MAD1L1: variants seen among roughly 807,000 people sequenced by gnomAD.
The protein encoded by MAD1L1 is mitotic spindle assembly checkpoint protein MAD1.
Under a neutral mutation model 96.9 loss-of-function variants are expected in MAD1L1, and 95 were observed. The observed-to-expected ratio is 0.98, with a 90% CI of 0.83 to 1.16. The LOEUF (loss-of-function observed/expected upper bound fraction) is 1.16, where lower values mean the gene tolerates loss of function less well. Among genes scored for constraint, MAD1L1 ranks in the 50% most tolerant of loss-of-function variants. The probability of loss-of-function intolerance (pLI) is 0.00; values close to 1 mark genes in which losing one functional copy is unlikely to be tolerated. For missense variants in MAD1L1, 1,007 were observed against 954.4 expected (o/e 1.06, Z -0.73); for synonymous variants, 473 against 396.6 (o/e 1.19, Z -2.29).
In MAD1L1 at chr7:2,225,392, C is replaced by T. The variant is rs770579308; in HGVS notation, c.291+18G>A. 4 of 1,611,906 alleles carry T rather than the reference C, an allele frequency of 2.5e-6. No individual in the cohort carries two copies. Among genetic ancestry groups the T allele is most frequent in the South Asian group, 2.2e-5 (2 of 91,064 alleles). Reference sequence around the variant, plus strand: ...TCCTGGGGCTGTCTGGGCCGACCCTCGCCCCGCCTGAACCCACCTCGTAGT... The same window carrying T: ...TCCTGGGGCTGTCTGGGCCGACCCTTGCCCCGCCTGAACCCACCTCGTAGT... On this transcript the variant is annotated intron_variant, in intron 4 of 18. Transcript: ENST00000265854.
intron 16 of MAD1L1, among the ~76,000 whole-genome samples, chr7:1,940,935 C>CCCCG (rs1554300971): frequency 1.1e-5 from 1 of 93,866 alleles, no homozygotes; most frequent in African/African-American, 4.1e-5. Flanking sequence ...CCCTCCTCCC[C>CCCCG]CAGGCCTCAC....
chr7:1,914,772 C>A (rs542319102), intron 17 of MAD1L1, among the ~76,000 whole-genome samples: 58 of 93,334 alleles, frequency 6.2e-4, no homozygotes, highest in African/African-American at 2.2e-3. Flanking sequence ...TGCTACCACA[C>A]CCGGCTAATT....
intron 12 of MAD1L1, among the ~76,000 whole-genome samples, chr7:2,034,222 T>C (rs1783361271): frequency 1.0e-5 from 1 of 97,514 alleles, no homozygotes; most frequent in East Asian, 2.4e-4. Context: ...AAGAGTCTCC[T>C]TTTTTTTTTT....
intron 14 of MAD1L1, among the ~76,000 whole-genome samples, chr7:1,986,791 C>T (rs895470744): frequency 6.6e-6 from 1 of 152,116 alleles, no homozygotes; most frequent in African/African-American, 2.4e-5. Context: ...TGACGTGTGC[C>T]ACAATGTTCA....
chr7:2,040,751 G>A (rs1445432630), intron 12 of MAD1L1, among the ~76,000 whole-genome samples: 1 of 152,178 alleles, frequency 6.6e-6, no homozygotes, highest in Non-Finnish European at 1.5e-5. Flanking sequence ...CAAGGCCCCT[G>A]GCCTCCATCC....
chr7:1,961,973 G>A (rs1779970802), intron 15 of MAD1L1, among the ~76,000 whole-genome samples: 1 of 151,390 alleles, frequency 6.6e-6, no homozygotes, highest in African/African-American at 2.4e-5. Context: ...GAATCACAGG[G>A]TGGTTTCCCC....
chr7:1,855,925 T>C (rs984502567), intron 18 of MAD1L1, among the ~76,000 whole-genome samples: 1 of 152,110 alleles, frequency 6.6e-6, no homozygotes, highest in Non-Finnish European at 1.5e-5. Context: ...GCAGCAGACA[T>C]TGGCTGCTCA....
chr7:1,907,959 T>G (rs1021075289), intron 17 of MAD1L1, among the ~76,000 whole-genome samples: 1 of 152,106 alleles, frequency 6.6e-6, no homozygotes, highest in African/African-American at 2.4e-5. Flanking sequence ...TGCGGCCCCC[T>G]CAGGAGACAG....
At chr7:1,982,428 C>A (rs79950306) in intron 14 of MAD1L1, among the ~76,000 whole-genome samples, 2 of 152,010 alleles carry the variant, frequency 1.3e-5, no homozygotes, top group Non-Finnish European at 2.9e-5. Flanking sequence ...AGGCTGGTCC[C>A]GATCTCCTGA....
At chr7:2,034,800 T>C (rs6975908) in intron 12 of MAD1L1, among the ~76,000 whole-genome samples, 28,864 of 152,228 alleles carry the variant, frequency 0.19, 5,383 homozygotes, top group African/African-American at 0.48. Flanking sequence ...ATGAAATGCA[T>C]GCCATGTTCT....
chr7:1,822,425 T>A, intron 18 of MAD1L1, among the ~76,000 whole-genome samples: 1 of 116,906 alleles, frequency 8.6e-6, no homozygotes, highest in Non-Finnish European at 1.9e-5. Context: ...TGTCCAAACC[T>A]CAGCATATAT....
chr7:2,049,960 G>A (rs370710567), intron 12 of MAD1L1, among the ~76,000 whole-genome samples: 3 of 138,770 alleles, frequency 2.2e-5, no homozygotes, highest in South Asian at 2.4e-4. Flanking sequence ...CTCACCCAAC[G>A]TCTGCGGGCA....
intron 18 of MAD1L1, among the ~76,000 whole-genome samples, chr7:1,878,221 A>G (rs1461777889): frequency 1.3e-5 from 2 of 152,122 alleles, no homozygotes; most frequent in Admixed American, 1.3e-4. Context: ...AGATGACCTC[A>G]CTAGTGAATT....
intron 18 of MAD1L1, among the ~76,000 whole-genome samples, chr7:1,822,051 G>C (rs189061541): frequency 2.0e-5 from 3 of 152,006 alleles, no homozygotes; most frequent in Non-Finnish European, 1.5e-5. Flanking sequence ...CTAGAATGAC[G>C]TGACGGCCCA....
At chr7:1,929,334 AT>A (rs1789292564) in intron 17 of MAD1L1, among the ~76,000 whole-genome samples, 1 of 152,276 alleles carries the variant, frequency 6.6e-6, no homozygotes, top group South Asian at 2.1e-4. Flanking sequence ...TGCTGCTAAG[AT>A]TATTTTAATA....
At chr7:1,980,865 C>T in intron 14 of MAD1L1, 1 of 440,220 alleles carries the variant, frequency 2.3e-6, no homozygotes, top group South Asian at 1.9e-5. Context: ...TCCAACGCTG[C>T]CGTCGGTTTG....
intron 11 of MAD1L1, among the ~76,000 whole-genome samples, chr7:2,111,210 C>A (rs778329995): frequency 6.6e-6 from 1 of 152,204 alleles, no homozygotes; most frequent in Non-Finnish European, 1.5e-5. Flanking sequence ...CCACACCATG[C>A]GGTCTGTGTG....
intron 10 of MAD1L1, among the ~76,000 whole-genome samples, chr7:2,212,824 TA>T (rs1223986156): frequency 6.6e-6 from 1 of 152,222 alleles, no homozygotes; most frequent in African/African-American, 2.4e-5. Context: ...TTCTTAATTC[TA>T]AAAACTCAGT....
chr7:2,021,068 C>T (rs753239207), intron 12 of MAD1L1, among the ~76,000 whole-genome samples: 1 of 152,108 alleles, frequency 6.6e-6, no homozygotes, highest in African/African-American at 2.4e-5. Flanking sequence ...AAAGAAGAGG[C>T]GACCTAAGAA....
Sources: allele counts gnomAD v4.1 joint callset (sites outside exome capture counted in the v4.1 genomes callset), GRCh38; gene constraint gnomAD v4.1.1; transcripts MANE v1.5; gene names NCBI Gene and HGNC (gene_info 2026-07-23, HGNC 2026-07-21).